CNGB1: variants seen among roughly 807,000 people sequenced by gnomAD.
CNGB1 encodes the protein cyclic nucleotide-gated channel beta-1.
Under a neutral mutation model 151.7 loss-of-function variants are expected in CNGB1, and 126 were observed. The observed-to-expected ratio is 0.83, with a 90% CI of 0.72 to 0.96. The LOEUF (loss-of-function observed/expected upper bound fraction) is 0.96, where lower values mean the gene tolerates loss of function less well. Ranked by LOEUF, CNGB1 falls within the 40% of genes least tolerant of loss-of-function variation. The pLI is 0.00. For synonymous variants in CNGB1, 623 were observed against 635.1 expected, an observed-to-expected ratio of 0.98 and a Z score of 0.29; for missense variants, 1,698 against 1,627.0, an observed-to-expected ratio of 1.04 and a Z score of -0.75.
chr16:57,960,927 C>A lies in CNGB1; in HGVS notation c.459-12G>T, dbSNP rs528462891. On this transcript the variant is annotated splice_polypyrimidine_tract_variant and intron_variant, in intron 7 of 32. Coordinates refer to ENST00000251102, the MANE Select transcript of CNGB1 (RefSeq NM_001297.5). Reference sequence around the variant, plus strand: ...GCCGCAGCCCAGGCCTGCAGAGGGGCCAGTGATCAGCAGAGTGCCCTGAGG... The same window carrying A: ...GCCGCAGCCCAGGCCTGCAGAGGGGACAGTGATCAGCAGAGTGCCCTGAGG... 1.7e-5 allele frequency: 27 copies of A among 1,613,832 alleles called. No individual in the cohort carries two copies. Among genetic ancestry groups the A allele is most frequent in the Non-Finnish European group, 2.3e-5 (27 of 1,179,906 alleles).
intron 20 of CNGB1, 100 bp downstream of exon 20, chr16:57,918,999 C>A (rs1596978330): frequency 6.3e-7 from 1 of 1,580,252 alleles, no homozygotes; most frequent in Non-Finnish European, 8.6e-7. Context: ...CTGTGGCCTC[C>A]CATCCCACCT....
chr16:57,912,633 G>C (rs1399828654), intron 24 of CNGB1, among the ~76,000 whole-genome samples: 1 of 150,918 alleles, frequency 6.6e-6, no homozygotes, highest in Non-Finnish European at 1.5e-5. Context: ...TGTGTGTTGT[G>C]TGTGCACTGC....
chr16:57,920,631 C>T, intron 18 of CNGB1, 87 bp from the exon 19 acceptor site: 5 of 1,530,162 alleles, frequency 3.3e-6, no homozygotes, highest in Non-Finnish European at 4.5e-6. Context: ...GTCTGTGTCC[C>T]ACCTTCTGAC....
At chr16:57,929,532 TCA>T (rs1961289083) in intron 17 of CNGB1, among the ~76,000 whole-genome samples, 1 of 151,730 alleles carries the variant, frequency 6.6e-6, no homozygotes, top group Admixed American at 6.6e-5. Flanking sequence ...TTTAATTGAC[TCA>T]CAGTACCACA....
chr16:57,958,540 G>T, intron 10 of CNGB1, 55 bp from the exon 11 acceptor site: 1 of 1,492,378 alleles, frequency 6.7e-7, no homozygotes. Context: ...TGGGTAAACT[G>T]AGGCTGGAGT....
intron 17 of CNGB1, among the ~76,000 whole-genome samples, chr16:57,926,351 G>A (rs112791461): frequency 0.026 from 3,935 of 152,298 alleles, 178 homozygotes; most frequent in African/African-American, 0.091. Flanking sequence ...TGCAGACGCA[G>A]CACTCCACTG....
Position 57,931,893 on chromosome 16 carries a change from G to A in CNGB1, c.1373-15C>T, listed in dbSNP as rs1397928659. On this transcript the variant is annotated splice_polypyrimidine_tract_variant and intron_variant, in intron 16 of 32. Coordinates refer to ENST00000251102, the MANE Select transcript of CNGB1 (RefSeq NM_001297.5). The stretch of plus-strand genomic sequence containing the variant: ...CGTGGCAGGCACTGGGGGAGAGGAA[G>A]GAGAGGAGAAAGTCAGAGAGAGACA... 1.9e-6 allele frequency: 3 copies of A among 1,613,698 alleles called. No individual in the cohort carries two copies. Among genetic ancestry groups the A allele is most frequent in the South Asian group, 1.1e-5 (1 of 90,974 alleles).
At chr16:57,928,386 A>G (rs1961250998) in intron 17 of CNGB1, among the ~76,000 whole-genome samples, 1 of 152,244 alleles carries the variant, frequency 6.6e-6, no homozygotes, top group Non-Finnish European at 1.5e-5. Context: ...TCATTCCGGC[A>G]CATGGAGCTG....
intron 16 of CNGB1, among the ~76,000 whole-genome samples, chr16:57,938,203 C>T (rs1961564415): frequency 6.6e-6 from 1 of 152,236 alleles, no homozygotes; most frequent in African/African-American, 2.4e-5. Flanking sequence ...GGGCAGAACC[C>T]ACCCCACTGA....
In CNGB1 at chr16:57,939,526, C is replaced by T. The variant is rs373888175; in HGVS notation, c.1276G>A (p.Glu426Lys). 27 of 1,613,910 alleles carry T rather than the reference C, an allele frequency of 1.7e-5. No individual in the cohort carries two copies. The African/African-American group carries it at 1.7e-4, about 10-fold the overall frequency. The change falls in exon 16 of 33, where the codon GAG becomes AAG. Residue 426 changes from glutamate (E) to lysine (K), a missense_variant. Physicochemically the swap from Glu to Lys is moderately conservative, Grantham distance 56 (BLOSUM62 1). Transcript: ENST00000251102. ...TCAGCCTCCTCTTCAGCCACCTCCTCGGCCTCCTCCTTGGCCTTCTCTTCA... is the reference window on the plus strand; with the variant it reads ...TCAGCCTCCTCTTCAGCCACCTCCTTGGCCTCCTCCTTGGCCTTCTCTTCA... Reference protein sequence around the residue: ...EAEEKAKEEAEEVAEEEAEKE... With the variant: ...EAEEKAKEEAKEVAEEEAEKE...
chr16:57,958,556 C>T (rs1258210321), intron 10 of CNGB1, 71 bp from the exon 11 acceptor site: 5 of 1,383,752 alleles, frequency 3.6e-6, no homozygotes, highest in South Asian at 2.3e-5. Flanking sequence ...GGAGTCAGCT[C>T]GTTCCCAAGG....
chr16:57,892,925 G>A (rs1432790368), intron 31 of CNGB1, among the ~76,000 whole-genome samples: 2 of 152,142 alleles, frequency 1.3e-5, no homozygotes, highest in African/African-American at 4.8e-5. Flanking sequence ...GTGGCTTTGT[G>A]TTTCCTCGTA....
intron 20 of CNGB1, among the ~76,000 whole-genome samples, chr16:57,917,818 CTA>C (rs1363237008): frequency 3.3e-5 from 5 of 151,500 alleles, no homozygotes; most frequent in African/African-American, 1.2e-4. Context: ...AAAAACACAA[CTA>C]TCTGTTTTAA....
At chr16:57,948,091 CATA>C (rs1387473690) in intron 14 of CNGB1, among the ~76,000 whole-genome samples, 8 of 152,138 alleles carry the variant, frequency 5.3e-5, no homozygotes, top group Non-Finnish European at 1.0e-4. Flanking sequence ...GACACAGGGA[CATA>C]ATGCCAGGGG....
chr16:57,966,117 C>T (rs547396020), intron 2 of CNGB1, among the ~76,000 whole-genome samples: 7 of 152,336 alleles, frequency 4.6e-5, no homozygotes, highest in African/African-American at 1.7e-4. Flanking sequence ...AGCTCTCCCC[C>T]ATCAGCCTCC....
chr16:57,923,905 A>G (rs140748422), intron 17 of CNGB1, among the ~76,000 whole-genome samples: 1 of 152,252 alleles, frequency 6.6e-6, no homozygotes, highest in African/African-American at 2.4e-5. Flanking sequence ...GACCTTAGGT[A>G]AGTCCCATCC....
In CNGB1 at chr16:57,888,010, C is replaced by T. The variant is rs753306740; in HGVS notation, c.3307G>A (p.Ala1103Thr). 6 of 1,614,174 alleles carry T rather than the reference C, an allele frequency of 3.7e-6. No homozygotes were observed. In the South Asian group the frequency reaches 6.6e-5, roughly 18 times the overall value. ...EKSVLILPPR[A>T]GTPKLFNAAL... Reference sequence around the variant, plus strand: ...GCGTTGAAGAGCTTTGGGGTGCCCGCCCGGGGTGGAAGGATCAGCACGCTC... The same window carrying T: ...GCGTTGAAGAGCTTTGGGGTGCCCGTCCGGGGTGGAAGGATCAGCACGCTC... Residue 1103 changes from alanine to threonine, a missense_variant, in exon 32 of 33, where the codon GCG (alanine) becomes ACG (threonine). Physicochemically the swap from Ala to Thr is moderately conservative, Grantham distance 58. Coordinates refer to ENST00000251102, the MANE Select transcript of CNGB1 (RefSeq NM_001297.5).
At chr16:57,905,422 C>G (rs370374857) in intron 25 of CNGB1, among the ~76,000 whole-genome samples, 2 of 152,332 alleles carry the variant, frequency 1.3e-5, no homozygotes, top group African/African-American at 4.8e-5. Flanking sequence ...TTGGTAAGTA[C>G]AAGAGCTGGG....
intron 19 of CNGB1, among the ~76,000 whole-genome samples, chr16:57,919,480 T>C (rs1252922775): frequency 6.6e-6 from 1 of 152,178 alleles, no homozygotes; most frequent in Admixed American, 6.5e-5. Flanking sequence ...CCAGAAGTTC[T>C]TACCAATTAC....
Sources: gnomAD v4.1 joint callset for allele counts (sites outside exome capture counted in the v4.1 genomes callset) on GRCh38, gnomAD v4.1.1 for gene constraint, MANE v1.5 for transcripts, NCBI Gene and HGNC (gene_info 2026-07-23, HGNC 2026-07-21) for gene names.